The following ADGRB3 variants were observed in gnomAD, a reference collection of about 807,000 sequenced individuals.
ADGRB3 encodes the protein adhesion G protein-coupled receptor B3, also known as brain-specific angiogenesis inhibitor 3.
ADGRB3 carries 37 observed loss-of-function variants against 193.4 expected under a neutral mutation model. The ratio of observed to expected loss-of-function variants is 0.19; its 90% CI spans 0.15 to 0.25. The LOEUF (loss-of-function observed/expected upper bound fraction) is 0.25, where lower values mean the gene tolerates loss of function less well. Among genes scored for constraint, ADGRB3 ranks in the 10% least tolerant of loss-of-function variants. The pLI is 1.00. For missense variants in ADGRB3, 1,637 were observed against 1,852.9 expected (o/e 0.88, Z 2.14); for synonymous variants, 690 against 644.2 (o/e 1.07, Z -1.08).
rs1238342491 is a variant in ADGRB3, at chr6:68,735,649, A to C, written c.757+96217A>C. Among the ~76,000 whole-genome samples the C allele has an allele frequency of 2.0e-5, 3 of 152,190 alleles. No homozygotes were observed. In the East Asian group the frequency reaches 5.8e-4, roughly 30 times the overall value. ...GAGGTTATAATGAAATTATGAGGAA[A>C]ATGCTTTTAAACTGAATAACCCAGG... On this transcript the variant is annotated intron_variant, in intron 3 of 31. Coordinates refer to ENST00000370598, the MANE Select transcript of ADGRB3 (RefSeq NM_001704.3).
intron 17 of ADGRB3, among the ~76,000 whole-genome samples, chr6:69,129,508 A>C (rs982148119): frequency 4.6e-5 from 7 of 152,164 alleles, no homozygotes; most frequent in Non-Finnish European, 8.8e-5. Flanking sequence ...CATTGGAAGA[A>C]GAGGGTGTTA....
intron 4 of ADGRB3, among the ~76,000 whole-genome samples, chr6:68,932,674 T>A (rs902374589): frequency 1.3e-5 from 2 of 151,874 alleles, no homozygotes; most frequent in African/African-American, 2.4e-5. Flanking sequence ...TTTACAAAAA[T>A]TAAGCTTTAC....
At chr6:69,177,334 T>C (rs1476651834) in intron 17 of ADGRB3, among the ~76,000 whole-genome samples, 1 of 152,024 alleles carries the variant, frequency 6.6e-6, no homozygotes, top group East Asian at 1.9e-4. Flanking sequence ...TGTGTCTGTT[T>C]TTCTTTATTT....
chr6:69,136,786 AT>A (rs1307940770), intron 17 of ADGRB3, among the ~76,000 whole-genome samples: 1 of 152,028 alleles, frequency 6.6e-6, no homozygotes, highest in African/African-American at 2.4e-5. Context: ...GTAACAGTTT[AT>A]TTTTATGCAT....
At chr6:69,011,165 G>GTATA in intron 11 of ADGRB3, among the ~76,000 whole-genome samples, 1 of 133,234 alleles carries the variant, frequency 7.5e-6, no homozygotes, top group South Asian at 2.4e-4. Context: ...GTGTGTGTGT[G>GTATA]TGTATATATA....
intron 15 of ADGRB3, among the ~76,000 whole-genome samples, chr6:69,053,625 G>T (rs1248819728): frequency 2.0e-5 from 3 of 152,150 alleles, no homozygotes; most frequent in African/African-American, 2.4e-5. Flanking sequence ...TTATGTGCAT[G>T]TCCAGCCCAG....
intron 15 of ADGRB3, among the ~76,000 whole-genome samples, chr6:69,051,755 T>C (rs1290375955): frequency 2.6e-5 from 4 of 152,212 alleles, no homozygotes; most frequent in African/African-American, 9.7e-5. Flanking sequence ...GGGTGATTCT[T>C]TTTTCTACAG....
At chr6:68,930,843 C>T (rs1261986797) in intron 4 of ADGRB3, among the ~76,000 whole-genome samples, 174 bp downstream of exon 4, 2 of 151,970 alleles carry the variant, frequency 1.3e-5, no homozygotes, top group East Asian at 3.9e-4. Flanking sequence ...TTGAAAAGTG[C>T]ACAAAAATTA....
At chr6:69,014,247 A>G (rs1275895921) in intron 12 of ADGRB3, 141 bp downstream of exon 12, 1 of 568,584 alleles carries the variant, frequency 1.8e-6, no homozygotes, top group African/African-American at 1.9e-5. Flanking sequence ...TTTTGAGGAA[A>G]CAAATGATCG....
intron 3 of ADGRB3, among the ~76,000 whole-genome samples, chr6:68,818,933 A>T (rs1056555670): frequency 1.3e-5 from 1 of 75,376 alleles, no homozygotes; most frequent in African/African-American, 6.9e-5. Flanking sequence ...TGATAAGTAC[A>T]TGTTTCACTG....
chr6:69,068,073 T>C (rs527656471), intron 16 of ADGRB3, among the ~76,000 whole-genome samples: 4 of 152,264 alleles, frequency 2.6e-5, no homozygotes, highest in African/African-American at 7.2e-5. Context: ...TAGGTGTGGC[T>C]GTATTTCAAT....
chr6:69,372,806 T>A (rs1769733579), intron 30 of ADGRB3, among the ~76,000 whole-genome samples: 1 of 152,044 alleles, frequency 6.6e-6, no homozygotes, highest in Non-Finnish European at 1.5e-5. Flanking sequence ...CTTCAGTGAC[T>A]GCCTGAAGAG....
intron 17 of ADGRB3, among the ~76,000 whole-genome samples, chr6:69,092,943 C>T (rs573940512): frequency 1.1e-4 from 17 of 151,644 alleles, no homozygotes; most frequent in Non-Finnish European, 1.9e-4. Context: ...GGTGGGCAGC[C>T]GAGATTCAGG....
intron 30 of ADGRB3, among the ~76,000 whole-genome samples, chr6:69,381,446 T>TA (rs1769944758): frequency 1.3e-5 from 2 of 151,824 alleles, no homozygotes; most frequent in Non-Finnish European, 1.5e-5. Flanking sequence ...TTGCAAGACA[T>TA]AAAATGGCAG....
chr6:68,972,836 G>T (rs983578926), intron 8 of ADGRB3, among the ~76,000 whole-genome samples: 1 of 152,184 alleles, frequency 6.6e-6, no homozygotes, highest in East Asian at 1.9e-4. Context: ...GTGGAGGAGT[G>T]TTGGAGAATG....
intron 3 of ADGRB3, among the ~76,000 whole-genome samples, chr6:68,828,268 A>C (rs1054515751): frequency 3.3e-5 from 5 of 152,188 alleles, no homozygotes. Context: ...CTGGCTGGAT[A>C]ACATATTTTA....
chr6:68,833,331 G>C (rs1269265076), intron 3 of ADGRB3, among the ~76,000 whole-genome samples: 1 of 151,574 alleles, frequency 6.6e-6, no homozygotes, highest in Non-Finnish European at 1.5e-5. Context: ...AAAATTATGT[G>C]ACTAGGAGAG....
intron 29 of ADGRB3, 91 bp from the exon 30 acceptor site, chr6:69,372,315 T>G: frequency 1.4e-6 from 1 of 696,498 alleles, no homozygotes; most frequent in Non-Finnish European, 2.3e-6. Flanking sequence ...CAGGATTATC[T>G]TTAATGAAAA....
chr6:68,685,481 G>C (rs1764965985), intron 3 of ADGRB3, among the ~76,000 whole-genome samples: 1 of 151,890 alleles, frequency 6.6e-6, no homozygotes, highest in African/African-American at 2.4e-5. Context: ...AATGGGGAAG[G>C]AAAGAACCAA....
Sources: allele counts gnomAD v4.1 joint callset (sites outside exome capture counted in the v4.1 genomes callset), GRCh38; gene constraint gnomAD v4.1.1; transcripts MANE v1.5; gene names NCBI Gene and HGNC (gene_info 2026-07-23, HGNC 2026-07-21).